NOVA1: variants seen among roughly 807,000 people sequenced by gnomAD.
NOVA1 encodes NOVA alternative splicing regulator 1, also known as RNA-binding protein Nova-1.
Under a neutral mutation model 38.0 loss-of-function variants are expected in NOVA1, and 7 were observed. The observed-to-expected ratio is 0.18, with a 90% confidence interval of 0.10 to 0.35. NOVA1 has a LOEUF of 0.35. Ranked by LOEUF, NOVA1 falls within the 10% of genes least tolerant of loss-of-function variation. The probability of loss-of-function intolerance (pLI) is 1.00; values close to 1 mark genes in which losing one functional copy is unlikely to be tolerated. For synonymous variants in NOVA1, 270 were observed against 232.5 expected (o/e 1.16, Z -1.47); for missense variants, 460 against 616.0 (o/e 0.75, Z 2.68).
chr14:26,486,605 A>G (rs1885914159), intron 2 of NOVA1, among the ~76,000 whole-genome samples: 1 of 141,310 alleles, frequency 7.1e-6, no homozygotes, highest in African/African-American at 2.6e-5. Flanking sequence ...GCTACTTGGG[A>G]GGCTGAGGCA....
At chr14:26,470,577 T>A in intron 4 of NOVA1, 1 of 951,822 alleles carries the variant, frequency 1.1e-6, no homozygotes, top group Non-Finnish European at 1.6e-6. Context: ...AATGACTTAT[T>A]ATTTCAAAAT....
chr14:26,501,157 GT>G (rs1366373162), intron 2 of NOVA1, among the ~76,000 whole-genome samples: 3 of 151,954 alleles, frequency 2.0e-5, no homozygotes, highest in Non-Finnish European at 4.4e-5. Flanking sequence ...TTTTACGAAG[GT>G]AGCAATTCAG....
At chr14:26,583,681 TATTA>T (rs906056205) in intron 2 of NOVA1, among the ~76,000 whole-genome samples, 2 of 151,458 alleles carry the variant, frequency 1.3e-5, no homozygotes, top group Non-Finnish European at 3.0e-5. Flanking sequence ...TTGATAAGGG[TATTA>T]ATTAAGATTG....
chr14:26,574,768 T>C (rs1892730178), intron 2 of NOVA1, among the ~76,000 whole-genome samples: 1 of 152,152 alleles, frequency 6.6e-6, no homozygotes, highest in African/African-American at 2.4e-5. Flanking sequence ...GTGATCATCC[T>C]ATGACAGTCT....
In NOVA1 at chr14:26,597,508, T is replaced by A; in HGVS notation, c.-72A>T. On this transcript the variant is annotated 5_prime_UTR_variant, in exon 1 of 5. It adds an upstream start codon to the 5' untranslated region. Transcript: ENST00000539517. ...TTTTGGCTTTTTCTTTTCTTTTTTCTTTTTTTTTTTTTTTTTTTTTTGCGT... is the reference window on the plus strand; with the variant it reads ...TTTTGGCTTTTTCTTTTCTTTTTTCATTTTTTTTTTTTTTTTTTTTTGCGT... The A allele has an allele frequency of 1.2e-4, 28 of 234,820 alleles. No homozygotes were observed. The highest frequency in any genetic ancestry group is 2.2e-3 in the Admixed American group (2 of 896). 14.5% of individuals were successfully genotyped at this position (234,820 alleles called of 1,614,324 possible).
intron 2 of NOVA1, among the ~76,000 whole-genome samples, chr14:26,507,224 T>C (rs1465278033): frequency 6.6e-6 from 1 of 152,004 alleles, no homozygotes; most frequent in Non-Finnish European, 1.5e-5. Context: ...ACCTACTTAA[T>C]TGGGATGATT....
chr14:26,535,672 C>T (rs747385585), intron 2 of NOVA1, among the ~76,000 whole-genome samples: 4 of 151,948 alleles, frequency 2.6e-5, no homozygotes, highest in Non-Finnish European at 5.9e-5. Context: ...AAATGTGGTA[C>T]ATAGGCCGGG....
intron 2 of NOVA1, among the ~76,000 whole-genome samples, chr14:26,514,909 ATTTC>A (rs969036915): frequency 1.3e-5 from 2 of 151,820 alleles, no homozygotes; most frequent in African/African-American, 4.8e-5. Flanking sequence ...CCAATAGTAT[ATTTC>A]TTTCATTTTC....
chr14:26,484,456 A>AG (rs1885723021), intron 2 of NOVA1, among the ~76,000 whole-genome samples: 1 of 150,312 alleles, frequency 6.7e-6, no homozygotes, highest in African/African-American at 2.5e-5. Context: ...AAAAAAAAAA[A>AG]AAAAAAGAAA....
chr14:26,449,039 A>T (rs994791729), intron 4 of NOVA1, 76 bp from the exon 5 acceptor site: 2 of 1,311,530 alleles, frequency 1.5e-6, no homozygotes, highest in Non-Finnish European at 2.1e-6. Context: ...CTATCCTAGA[A>T]AAGTAAAATA....
At chr14:26,577,175 G>A (rs1394625473) in intron 2 of NOVA1, among the ~76,000 whole-genome samples, 2 of 152,022 alleles carry the variant, frequency 1.3e-5, no homozygotes, top group Admixed American at 6.5e-5. Flanking sequence ...TATTGCAAAC[G>A]TCAGCACTGT....
intron 2 of NOVA1, among the ~76,000 whole-genome samples, chr14:26,510,780 A>C (rs1888020649): frequency 6.6e-6 from 1 of 152,186 alleles, no homozygotes; most frequent in Non-Finnish European, 1.5e-5. Flanking sequence ...TCACTCAAAC[A>C]TAAAATTAAA....
intron 3 of NOVA1, among the ~76,000 whole-genome samples, chr14:26,476,717 T>C (rs1885013729): frequency 6.6e-6 from 1 of 151,646 alleles, no homozygotes; most frequent in African/African-American, 2.4e-5. Flanking sequence ...TTTTTTCTTT[T>C]CTTTTTTTTT....
intron 4 of NOVA1, among the ~76,000 whole-genome samples, chr14:26,464,107 C>A (rs903512702): frequency 2.0e-5 from 3 of 152,156 alleles, no homozygotes; most frequent in Admixed American, 1.3e-4. Context: ...TGGCTCAAGA[C>A]CACAGTTCTC....
intron 2 of NOVA1, among the ~76,000 whole-genome samples, chr14:26,481,947 G>A (rs906785838): frequency 1.2e-4 from 16 of 137,582 alleles, no homozygotes; most frequent in African/African-American, 4.7e-4. Flanking sequence ...ACTACAGAGT[G>A]CTCTTTTGTG....
chr14:26,511,924 C>T (rs1018401168), intron 2 of NOVA1, among the ~76,000 whole-genome samples: 15 of 151,980 alleles, frequency 9.9e-5, no homozygotes, highest in African/African-American at 3.4e-4. Flanking sequence ...TGTTTATTGA[C>T]CCTCTGAACA....
intron 2 of NOVA1, among the ~76,000 whole-genome samples, chr14:26,507,336 T>C (rs919937664): frequency 6.6e-6 from 1 of 152,110 alleles, no homozygotes; most frequent in African/African-American, 2.4e-5. Flanking sequence ...GAAAATCTTA[T>C]CATAGTAGTT....
chr14:26,450,312 G>A (rs1882551380), intron 4 of NOVA1, among the ~76,000 whole-genome samples: 1 of 151,740 alleles, frequency 6.6e-6, no homozygotes, highest in Non-Finnish European at 1.5e-5. Flanking sequence ...GTTCTGGAAG[G>A]TAGCAAGCAG....
At chr14:26,511,495 C>T (rs1158100986) in intron 2 of NOVA1, among the ~76,000 whole-genome samples, 4 of 152,068 alleles carry the variant, frequency 2.6e-5, no homozygotes, top group East Asian at 1.9e-4. Context: ...TGGCCGGGCG[C>T]GGTGACTCAT....
Sources: gnomAD v4.1 joint callset for allele counts (sites outside exome capture counted in the v4.1 genomes callset) on GRCh38, gnomAD v4.1.1 for gene constraint, MANE v1.5 for transcripts, NCBI Gene and HGNC (gene_info 2026-07-23, HGNC 2026-07-21) for gene names.